Variants in ZNF385D observed in about 807,000 individuals in gnomAD.
The protein encoded by ZNF385D is zinc finger protein 385D, also known as zinc finger protein 659.
ZNF385D carries 15 observed loss-of-function variants against 35.8 expected under a neutral mutation model. The observed-to-expected ratio is 0.42, with a 90% confidence interval of 0.28 to 0.64. The LOEUF (loss-of-function observed/expected upper bound fraction) is 0.64. ZNF385D is among the 30% of genes least tolerant of loss of function. ZNF385D has a pLI of 0.23. For synonymous variants in ZNF385D, 212 were observed against 186.8 expected, an observed-to-expected ratio of 1.13 and a Z score of -1.10; for missense variants, 474 against 494.6, an observed-to-expected ratio of 0.96 and a Z score of 0.39.
intron 3 of ZNF385D, among the ~76,000 whole-genome samples, chr3:22,105,857 G>C (rs1702184128): frequency 1.3e-5 from 2 of 152,096 alleles, no homozygotes; most frequent in South Asian, 4.2e-4. Context: ...CTGGGACCTA[G>C]GCATTTTGAC....
In ZNF385D at chr3:21,650,712, C is replaced by G. The variant is rs372757175; in HGVS notation, c.165+14174G>C. ...TCTACATGCTCACCTCTCACAGATT[C>G]TCAACACTTTCTAATGAAGTTAGAA... On this transcript the variant is annotated intron_variant, in intron 2 of 7. Transcript: ENST00000281523. Among the ~76,000 whole-genome samples the G allele has an allele frequency of 5.9e-5, 9 of 152,238 alleles. No homozygotes were observed. In the East Asian group the frequency reaches 1.2e-3, roughly 20 times the overall value.
intron 1 of ZNF385D, among the ~76,000 whole-genome samples, chr3:21,738,670 G>A (rs2069363348): frequency 1.3e-5 from 2 of 152,054 alleles, no homozygotes; most frequent in African/African-American, 4.8e-5. Context: ...TAATCACTTG[G>A]CCTCTATTTT....
chr3:22,354,121 A>G (rs1460533117), intron 2 of ZNF385D, among the ~76,000 whole-genome samples: 1 of 152,122 alleles, frequency 6.6e-6, no homozygotes, highest in African/African-American at 2.4e-5. Context: ...GAATGTGGAA[A>G]GAGAAACATA....
At position 21,419,603 on chromosome 3, in the gene ZNF385D, T is replaced by G. The variant is rs2125235616; in HGVS notation, c.*1611A>C. The G allele has an allele frequency of 1.3e-5, 2 of 152,272 alleles. No homozygotes were observed. Among genetic ancestry groups the G allele is most frequent in the East Asian group, 3.9e-4 (2 of 5,176 alleles). 9.4% of individuals were successfully genotyped at this position (152,272 alleles called of 1,614,324 possible). On this transcript the variant is annotated 3_prime_UTR_variant, in exon 8 of 8. Coordinates refer to ENST00000281523, the MANE Select transcript of ZNF385D (RefSeq NM_024697.3). The stretch of plus-strand genomic sequence containing the variant: ...CTAAATCATGTATGTTTTGTCATTA[T>G]TCTAAGTTTCAGTGTCATTGCTCTT...
chr3:21,657,579 A>T (rs1393849245), intron 2 of ZNF385D, among the ~76,000 whole-genome samples: 1 of 151,976 alleles, frequency 6.6e-6, no homozygotes, highest in African/African-American at 2.4e-5. Context: ...CTAGAGAGCA[A>T]TCTGCTACAT....
At chr3:22,073,389 G>A (rs867566914) in intron 3 of ZNF385D, among the ~76,000 whole-genome samples, 1 of 151,004 alleles carries the variant, frequency 6.6e-6, no homozygotes, top group Admixed American at 6.6e-5. Flanking sequence ...GTGGGTGAGA[G>A]GGTAAAATGT....
chr3:22,269,563 G>A (rs1701068633), intron 2 of ZNF385D, among the ~76,000 whole-genome samples: 1 of 151,926 alleles, frequency 6.6e-6, no homozygotes, highest in African/African-American at 2.4e-5. Flanking sequence ...AGTAATGGAG[G>A]AGAGAGCACT....
chr3:21,495,437 C>G (rs1403992592), intron 4 of ZNF385D, among the ~76,000 whole-genome samples: 1 of 151,968 alleles, frequency 6.6e-6, no homozygotes, highest in African/African-American at 2.4e-5. Flanking sequence ...AATTAAACAC[C>G]CTGCTCCTGA....
intron 3 of ZNF385D, among the ~76,000 whole-genome samples, chr3:22,162,692 A>T (rs1036345138): frequency 6.6e-6 from 1 of 152,136 alleles, no homozygotes; most frequent in African/African-American, 2.4e-5. Context: ...AACTTCAACC[A>T]TTTGGCCTCT....
chr3:21,809,241 G>A (rs1559643459), intron 3 of ZNF385D, among the ~76,000 whole-genome samples: 1 of 151,910 alleles, frequency 6.6e-6, no homozygotes, highest in Non-Finnish European at 1.5e-5. Context: ...TGGAAAAATG[G>A]AATCTAAGCA....
intron 3 of ZNF385D, among the ~76,000 whole-genome samples, chr3:22,038,905 T>C: frequency 6.7e-6 from 1 of 149,580 alleles, no homozygotes; most frequent in Non-Finnish European, 1.5e-5. Flanking sequence ...TATATAAACA[T>C]ATATATTTTT....
intron 2 of ZNF385D, among the ~76,000 whole-genome samples, chr3:22,183,999 G>A (rs928842645): frequency 2.0e-5 from 3 of 152,092 alleles, no homozygotes; most frequent in African/African-American, 7.2e-5. Context: ...CACTTTGTCA[G>A]TATGTGAATT....
intron 3 of ZNF385D, among the ~76,000 whole-genome samples, chr3:22,126,307 GTTGTT>G (rs1559388475): frequency 2.6e-5 from 2 of 76,454 alleles, no homozygotes; most frequent in African/African-American, 4.1e-5. Flanking sequence ...GTATTTGAAA[GTTGTT>G]TTTTTTTTTT....
intron 3 of ZNF385D, among the ~76,000 whole-genome samples, chr3:21,940,445 A>AT (rs1190224627): frequency 2.0e-5 from 3 of 152,128 alleles, no homozygotes; most frequent in Non-Finnish European, 4.4e-5. Context: ...GTAAAGCACT[A>AT]TTTTTTACAA....
intron 3 of ZNF385D, among the ~76,000 whole-genome samples, chr3:21,896,316 C>T (rs529777389): frequency 6.6e-6 from 1 of 152,104 alleles, no homozygotes; most frequent in South Asian, 2.1e-4. Flanking sequence ...TCGTGGCTGC[C>T]TCAAGTATCT....
intron 2 of ZNF385D, among the ~76,000 whole-genome samples, chr3:21,575,909 G>A (rs1462842449): frequency 6.6e-6 from 1 of 152,112 alleles, no homozygotes; most frequent in Non-Finnish European, 1.5e-5. Flanking sequence ...AACAGTATCA[G>A]CCTTGGTATA....
At chr3:22,170,154 T>G (rs1049347361) in intron 2 of ZNF385D, among the ~76,000 whole-genome samples, 2 of 152,200 alleles carry the variant, frequency 1.3e-5, no homozygotes, top group Non-Finnish European at 2.9e-5. Context: ...TTTAAAGTAT[T>G]TGAAAAATAT....
intron 3 of ZNF385D, chr3:21,961,366 G>C (rs766848439): frequency 4.6e-4 from 70 of 151,894 alleles, no homozygotes; most frequent in Non-Finnish European, 8.8e-4. Flanking sequence ...GAAAATATTC[G>C]ACTTAATAAA....
At chr3:22,003,495 T>C (rs538879098) in intron 3 of ZNF385D, among the ~76,000 whole-genome samples, 12 of 152,150 alleles carry the variant, frequency 7.9e-5, no homozygotes, top group Admixed American at 2.0e-4. Flanking sequence ...AGAAAGACCA[T>C]AGTACCAAAG....
Sources: allele counts gnomAD v4.1 joint callset (sites outside exome capture counted in the v4.1 genomes callset), GRCh38; gene constraint gnomAD v4.1.1; transcripts MANE v1.5; gene names NCBI Gene and HGNC (gene_info 2026-07-23, HGNC 2026-07-21).